The following CDH11 variants were observed in gnomAD, a reference collection of about 807,000 sequenced individuals.
CDH11 encodes the protein cadherin 11.
A neutral mutation model predicts 67.8 loss-of-function variants in CDH11; 11 were observed. The observed-to-expected ratio is 0.16, with a 90% CI of 0.10 to 0.27. The LOEUF is 0.27. Among genes scored for constraint, CDH11 ranks in the 10% least tolerant of loss-of-function variants. CDH11 has a pLI of 1.00. For synonymous variants in CDH11, 419 were observed against 400.0 expected (o/e 1.05, Z -0.57); for missense variants, 847 against 1,031.2 (o/e 0.82, Z 2.45).
intron 1 of CDH11, among the ~76,000 whole-genome samples, chr16:65,112,205 A>T (rs2075172838): frequency 6.6e-6 from 1 of 152,168 alleles, no homozygotes; most frequent in African/African-American, 2.4e-5. Context: ...CATTTCCAAC[A>T]GTGAAGGTTC....
chr16:65,032,584 T>G (rs2073664903), intron 2 of CDH11, among the ~76,000 whole-genome samples: 1 of 151,946 alleles, frequency 6.6e-6, no homozygotes, highest in African/African-American at 2.4e-5. Context: ...CTATAAGAAA[T>G]AAACCCAAAC....
chr16:64,957,697 ATAGT>A (rs1385599967), intron 11 of CDH11, among the ~76,000 whole-genome samples: 2 of 151,946 alleles, frequency 1.3e-5, no homozygotes, highest in Non-Finnish European at 1.5e-5. Context: ...AAATTTATAT[ATAGT>A]GTGTGACTAA....
chr16:65,024,042 C>T (rs1192700599), intron 2 of CDH11, among the ~76,000 whole-genome samples: 1 of 152,302 alleles, frequency 6.6e-6, no homozygotes, highest in Admixed American at 6.5e-5. Context: ...GGTTGGAATG[C>T]CTCTGACAGA....
chr16:65,020,885 A>T (rs529281447), intron 2 of CDH11, among the ~76,000 whole-genome samples: 6 of 152,174 alleles, frequency 3.9e-5, no homozygotes, highest in African/African-American at 1.4e-4. Context: ...TCAAGATGGA[A>T]CCCTTTCAGG....
At position 64,953,018 on chromosome 16, in the gene CDH11, C is replaced by A. The variant is rs1188918640; in HGVS notation, c.1643-2000G>T. On this transcript the variant is annotated intron_variant, in intron 11 of 12. Transcript: ENST00000268603. ...TTGCATATAACCTACACACATTCTC[C>A]CATATGTGTTAAATGATCTCTAAAT... Among the ~76,000 whole-genome samples the A allele has an allele frequency of 2.0e-5, 3 of 152,030 alleles. No individual in the cohort carries two copies. In the East Asian group the frequency reaches 5.8e-4, roughly 29 times the overall value.
At chr16:65,001,374 A>G (rs976342909) in intron 3 of CDH11, among the ~76,000 whole-genome samples, 4 of 152,208 alleles carry the variant, frequency 2.6e-5, no homozygotes, top group African/African-American at 9.6e-5. Flanking sequence ...ATCTTCATTC[A>G]GCCAAGTTTC....
chr16:65,048,579 A>ATATATGTG (rs765641304), intron 2 of CDH11, among the ~76,000 whole-genome samples: 15 of 152,092 alleles, frequency 9.9e-5, no homozygotes, highest in Non-Finnish European at 2.1e-4. Context: ...AAAATGTGGT[A>ATATATGTG]TATATGTGTA....
At chr16:65,107,401 T>C (rs1045875341) in intron 1 of CDH11, among the ~76,000 whole-genome samples, 16 of 152,200 alleles carry the variant, frequency 1.1e-4, no homozygotes, top group Non-Finnish European at 4.4e-5. Context: ...CATCAGCTAT[T>C]ATAACAATGC....
At chr16:65,039,205 G>A (rs954187885) in intron 2 of CDH11, among the ~76,000 whole-genome samples, 4 of 152,114 alleles carry the variant, frequency 2.6e-5, no homozygotes, top group Non-Finnish European at 4.4e-5. Flanking sequence ...CTGCCTCATC[G>A]ATGTGTCTAT....
rs893379728 is a variant in CDH11, at chr16:65,081,109, T to A, written c.-297-27181A>T. Among the ~76,000 whole-genome samples the A allele has an allele frequency of 4.6e-5, 7 of 152,236 alleles. No homozygotes were observed. The South Asian group carries it at 8.3e-4, about 18-fold the overall frequency. The stretch of plus-strand genomic sequence containing the variant: ...ATATACAATAATCGTTAATACTATA[T>A]GCATATGTCTGTCTAAATTCTATAC... On this transcript the variant is annotated intron_variant, in intron 1 of 12. Coordinates refer to ENST00000268603, the MANE Select transcript of CDH11 (RefSeq NM_001797.4).
At chr16:65,025,246 C>G (rs2073508912) in intron 2 of CDH11, among the ~76,000 whole-genome samples, 1 of 152,144 alleles carries the variant, frequency 6.6e-6, no homozygotes, top group Admixed American at 6.5e-5. Flanking sequence ...ATGGGGAAAC[C>G]CTTTGTAAAA....
At chr16:64,993,384 T>C (rs750362008) in intron 4 of CDH11, among the ~76,000 whole-genome samples, 4 of 152,188 alleles carry the variant, frequency 2.6e-5, no homozygotes, top group Non-Finnish European at 5.9e-5. Flanking sequence ...ATCAAATAAT[T>C]ACATTAAAAT....
intron 1 of CDH11, among the ~76,000 whole-genome samples, chr16:65,073,909 T>C (rs1394294746): frequency 1.3e-5 from 2 of 152,130 alleles, no homozygotes; most frequent in Non-Finnish European, 2.9e-5. Flanking sequence ...AGTAGATGCT[T>C]GGAGAATGGA....
intron 11 of CDH11, among the ~76,000 whole-genome samples, chr16:64,954,596 A>G (rs542164036): frequency 6.6e-6 from 1 of 152,158 alleles, no homozygotes; most frequent in Non-Finnish European, 1.5e-5. Context: ...GTGAGCTGGT[A>G]AAGGTGAACA....
At position 64,998,986 on chromosome 16, in the gene CDH11, T is replaced by G. The variant is rs1474850764; in HGVS notation, c.229-130A>C. ...AAAGGGAGATGTTCTCATCTCCATTTTACAACAGGAGAAAGGCAATCTTAG... is the reference window on the plus strand; with the variant it reads ...AAAGGGAGATGTTCTCATCTCCATTGTACAACAGGAGAAAGGCAATCTTAG... On this transcript the variant is annotated intron_variant, in intron 3 of 12. Transcript: ENST00000268603. 5.2e-6 allele frequency: 4 copies of G among 766,490 alleles called. No individual in the cohort carries two copies. The African/African-American group carries it at 5.3e-5, about 10-fold the overall frequency. 47.5% of individuals were successfully genotyped at this position (766,490 alleles called of 1,614,324 possible). A position where few individuals can be genotyped will look rare whatever the true frequency, so the allele number is the denominator to read the frequency against.
intron 7 of CDH11, among the ~76,000 whole-genome samples, chr16:64,984,020 C>A (rs577931004): frequency 5.3e-5 from 8 of 152,150 alleles, no homozygotes; most frequent in Admixed American, 2.6e-4. Context: ...GGATAATATC[C>A]TCATGCTGCA....
At chr16:65,070,367 T>C (rs2074395066) in intron 1 of CDH11, among the ~76,000 whole-genome samples, 1 of 152,152 alleles carries the variant, frequency 6.6e-6, no homozygotes, top group Non-Finnish European at 1.5e-5. Flanking sequence ...ATAATCTCCA[T>C]GGGGCAAGTT....
chr16:65,118,697 A>T (rs760364990), intron 1 of CDH11: 20 of 152,334 alleles, frequency 1.3e-4, no homozygotes, highest in Middle Eastern at 3.4e-3. Flanking sequence ...GGAAAAAAAA[A>T]CTTGAAAGTT....
chr16:65,063,045 T>C (rs550403799), intron 1 of CDH11, among the ~76,000 whole-genome samples: 2 of 152,324 alleles, frequency 1.3e-5, no homozygotes, highest in South Asian at 2.1e-4. Context: ...TGCTGGACTT[T>C]ATTGGTGGAA....
Sources: allele counts gnomAD v4.1 joint callset (sites outside exome capture counted in the v4.1 genomes callset), GRCh38; gene constraint gnomAD v4.1.1; transcripts MANE v1.5; gene names NCBI Gene and HGNC (gene_info 2026-07-23, HGNC 2026-07-21).